ADRA1A: variants seen among roughly 807,000 people sequenced by gnomAD.
The protein encoded by ADRA1A is adrenoceptor alpha 1A, also known as alpha-1A adrenergic receptor.
In ADRA1A, 31 loss-of-function variants were observed where a neutral mutation model predicts 29.6. The ratio of observed to expected loss-of-function variants is 1.05; its 90% CI spans 0.79 to 1.41. The LOEUF is 1.41. ADRA1A is among the 40% of genes most tolerant of loss of function. ADRA1A has a pLI of 0.00. For synonymous variants in ADRA1A, 311 were observed against 254.3 expected (o/e 1.22, Z -2.12); for missense variants, 619 against 601.1 (o/e 1.03, Z -0.31).
At position 26,796,935 on chromosome 8, in the gene ADRA1A, G is replaced by A. The variant is rs756919078; in HGVS notation, c.884-26269C>T. 9.9e-5 allele frequency among the ~76,000 whole-genome samples: 15 copies of A among 152,138 alleles called. No homozygotes were observed. Among genetic ancestry groups the A allele is most frequent in the Non-Finnish European group, 1.9e-4 (13 of 68,012 alleles). ...TTTATAGAGATGAGACTGGAATTGA[G>A]AGTGAAATGAAGGGAGTCGTATTAG... is the stretch of plus-strand genomic sequence containing the variant. On this transcript the variant is annotated intron_variant, in intron 2 of 2. Coordinates refer to ENST00000380573, the MANE Select transcript of ADRA1A (RefSeq NM_000680.4). This position sits in a 1 kb window ranked among gnomAD's most constrained non-coding sequence, Gnocchi z 5.0.
intron 2 of ADRA1A, among the ~76,000 whole-genome samples, chr8:26,818,807 TA>T (rs1288539010): frequency 1.9e-4 from 29 of 150,948 alleles, no homozygotes; most frequent in Non-Finnish European, 1.5e-4. Context: ...AAAATTAAAA[TA>T]AAAAAAGTGA....
chr8:26,852,695 G>A (rs2130750363), intron 2 of ADRA1A, among the ~76,000 whole-genome samples: 1 of 152,252 alleles, frequency 6.6e-6, no homozygotes, highest in East Asian at 1.9e-4. Context: ...CATAAAAGGA[G>A]CTGGGCCCGA....
At chr8:26,798,290 A>C (rs1043987813) in intron 2 of ADRA1A, among the ~76,000 whole-genome samples, 1 of 152,148 alleles carries the variant, frequency 6.6e-6, no homozygotes, top group Non-Finnish European at 1.5e-5. Context: ...GTCTTGAATA[A>C]CTTCTAGTGA....
intron 2 of ADRA1A, among the ~76,000 whole-genome samples, chr8:26,858,079 AT>A (rs1813177069): frequency 1.3e-5 from 2 of 152,310 alleles, no homozygotes; most frequent in Non-Finnish European, 2.9e-5. Flanking sequence ...CTCCTCAAAC[AT>A]CCAATCTTAA....
chr8:26,781,898 C>A (rs1264323587), intron 2 of ADRA1A, among the ~76,000 whole-genome samples: 1 of 152,180 alleles, frequency 6.6e-6, no homozygotes, highest in Non-Finnish European at 1.5e-5. Flanking sequence ...CTGATCCTTG[C>A]CAGAAAGGAC....
intron 2 of ADRA1A, among the ~76,000 whole-genome samples, chr8:26,816,741 A>G (rs1809795141): frequency 6.6e-6 from 1 of 152,188 alleles, no homozygotes; most frequent in Non-Finnish European, 1.5e-5. Flanking sequence ...TACCTTGTCC[A>G]CACACACTTC....
At chr8:26,767,970 G>T (rs1805879302), downstream of ADRA1A, among the ~76,000 whole-genome samples, 1 of 152,114 alleles carries the variant, frequency 6.6e-6, no homozygotes, top group Admixed American at 6.5e-5. Context: ...GCTCTTATGG[G>T]ACACAGAGAG....
At chr8:26,773,641 C>G (rs1445880077) in intron 2 of ADRA1A, among the ~76,000 whole-genome samples, 6 of 152,178 alleles carry the variant, frequency 3.9e-5, no homozygotes, top group Admixed American at 2.0e-4. Context: ...AAAATATGCA[C>G]TATGAATGTG....
chr8:26,787,195 T>C lies in ADRA1A; in HGVS notation c.884-16529A>G, dbSNP rs1339623653. On this transcript the variant is annotated intron_variant, in intron 2 of 2. Transcript: ENST00000380573. The surrounding 1 kb of genome is among the most constrained non-coding windows in gnomAD (Gnocchi z 4.2). ...ATCTGTCACTGCTTTGCTGGCTTTA[T>C]AGTGAAAATAGTGCACAGAGCCATA... Among the ~76,000 whole-genome samples, 1 of 152,194 alleles carries C rather than the reference T, an allele frequency of 6.6e-6. No individual in the cohort carries two copies. The highest frequency in any genetic ancestry group is 2.4e-5 in the African/African-American group (1 of 41,458).
At chr8:26,824,686 C>T (rs1430544667) in intron 2 of ADRA1A, among the ~76,000 whole-genome samples, 1 of 152,088 alleles carries the variant, frequency 6.6e-6, no homozygotes, top group Non-Finnish European at 1.5e-5. Flanking sequence ...GCAGACAGGG[C>T]CTATGTTAAA....
At chr8:26,801,967 A>G (rs2130486879) in intron 2 of ADRA1A, among the ~76,000 whole-genome samples, 1 of 152,324 alleles carries the variant, frequency 6.6e-6, no homozygotes. Flanking sequence ...CATTTTTGAC[A>G]AAGGTGCCAC....
intron 2 of ADRA1A, among the ~76,000 whole-genome samples, chr8:26,798,724 G>T (rs1280538513): frequency 3.9e-5 from 6 of 152,106 alleles, no homozygotes; most frequent in Non-Finnish European, 7.4e-5. Context: ...GATTTTGGGG[G>T]TTATGTAGGT....
chr8:26,859,257 T>C, intron 2 of ADRA1A: 1 of 1,157,530 alleles, frequency 8.6e-7, no homozygotes, highest in Non-Finnish European at 1.1e-6. Flanking sequence ...ACATTTTGCA[T>C]GAAAAACATA....
At chr8:26,782,420 G>A (rs751327324) in intron 2 of ADRA1A, among the ~76,000 whole-genome samples, 2 of 152,258 alleles carry the variant, frequency 1.3e-5, no homozygotes, top group East Asian at 1.9e-4. Flanking sequence ...ATTTTAACAC[G>A]CAGAAAGGGA....
downstream of ADRA1A, among the ~76,000 whole-genome samples, chr8:26,767,002 G>A (rs1805828107): frequency 6.6e-6 from 1 of 152,110 alleles, no homozygotes; most frequent in South Asian, 2.1e-4. Flanking sequence ...GAGAGGCAAA[G>A]GAAAGAAAAC....
chr8:26,748,750 TAAAAAAA>T (rs35884587), intron 2 of ADRA1A: 7 of 303,924 alleles, frequency 2.3e-5, no homozygotes, highest in Admixed American at 9.5e-5. Flanking sequence ...AGACTTCGTC[TAAAAAAA>T]AAAAAAAAAA....
At chr8:26,838,811 C>T (rs1386807600) in intron 2 of ADRA1A, among the ~76,000 whole-genome samples, 1 of 152,208 alleles carries the variant, frequency 6.6e-6, no homozygotes, top group Non-Finnish European at 1.5e-5. Flanking sequence ...CCATTCCTTA[C>T]CTGGACACAG....
chr8:26,795,469 C>T (rs1156265218), intron 2 of ADRA1A, among the ~76,000 whole-genome samples: 1 of 152,016 alleles, frequency 6.6e-6, no homozygotes, highest in Non-Finnish European at 1.5e-5. Flanking sequence ...TCCCACCTTT[C>T]TTGTAAAATC....
At chr8:26,862,055 A>G (rs1813511933) in intron 2 of ADRA1A, among the ~76,000 whole-genome samples, 1 of 152,142 alleles carries the variant, frequency 6.6e-6, no homozygotes, top group Admixed American at 6.5e-5. Flanking sequence ...CAATTAGAAT[A>G]ATATGCAAAC....
Sources: gnomAD v4.1 joint callset for allele counts (sites outside exome capture counted in the v4.1 genomes callset) on GRCh38, gnomAD v4.1.1 for gene constraint, Gnocchi (gnomAD v3.1) non-coding constraint, MANE v1.5 for transcripts, NCBI Gene and HGNC (gene_info 2026-07-23, HGNC 2026-07-21) for gene names.